Variants in FXR1 observed in about 807,000 individuals in gnomAD.
FXR1 encodes RNA-binding protein FXR1.
A neutral mutation model predicts 84.0 loss-of-function variants in FXR1; 15 were observed. That is an observed-to-expected ratio of 0.18 (90% CI 0.12 to 0.27). The LOEUF is 0.27. Among genes scored for constraint, FXR1 ranks in the 10% least tolerant of loss-of-function variants. The probability of loss-of-function intolerance (pLI) is 1.00; values close to 1 mark genes in which losing one functional copy is unlikely to be tolerated. For synonymous variants in FXR1, 245 were observed against 250.7 expected, an observed-to-expected ratio of 0.98 and a Z score of 0.21; for missense variants, 480 against 774.4, an observed-to-expected ratio of 0.62 and a Z score of 4.51.
intron 10 of FXR1, among the ~76,000 whole-genome samples, chr3:180,959,096 G>A (rs534230391): frequency 1.8e-4 from 27 of 151,890 alleles, no homozygotes; most frequent in Middle Eastern, 3.4e-3. Flanking sequence ...GTGAGCCACC[G>A]TGCCCGGCCT....
chr3:180,928,842 C>T (rs746696213), intron 1 of FXR1, among the ~76,000 whole-genome samples: 8 of 151,956 alleles, frequency 5.3e-5, no homozygotes, highest in South Asian at 2.1e-4. Flanking sequence ...ATTAGTTCTT[C>T]GGATAGTGCT....
chr3:180,958,097 A>G lies in FXR1; in HGVS notation c.990+169A>G, dbSNP rs559943175. Among the ~76,000 whole-genome samples, 10 of 152,252 alleles carry G rather than the reference A, an allele frequency of 6.6e-5. No homozygotes were observed. In the South Asian group the frequency reaches 1.2e-3, roughly 19 times the overall value. On this transcript the variant is annotated intron_variant, in intron 10 of 16. Transcript: ENST00000357559. ...CTTAGAAAACAAGTCATTTTCTACT[A>G]TGTGGGCCTTGTTCTTAGTTGTTTT...
intron 3 of FXR1, among the ~76,000 whole-genome samples, chr3:180,938,896 T>C (rs1027919798): frequency 2.6e-5 from 4 of 151,810 alleles, no homozygotes; most frequent in African/African-American, 7.3e-5. Flanking sequence ...TTTTTTTATT[T>C]TTTATTTTTT....
At chr3:180,964,420 A>C (rs1030009215) in intron 13 of FXR1, among the ~76,000 whole-genome samples, 1 of 152,118 alleles carries the variant, frequency 6.6e-6, no homozygotes, top group African/African-American at 2.4e-5. Context: ...TATTGATGAG[A>C]GCTTACTCTG....
intron 1 of FXR1, among the ~76,000 whole-genome samples, chr3:180,928,310 T>A (rs1719469255): frequency 6.6e-6 from 1 of 152,128 alleles, no homozygotes; most frequent in Non-Finnish European, 1.5e-5. Flanking sequence ...TATTGTAGTT[T>A]TAAAATAATC....
chr3:180,974,992 TG>T (rs1025033215), intron 15 of FXR1, among the ~76,000 whole-genome samples: 3 of 122,112 alleles, frequency 2.5e-5, no homozygotes, highest in African/African-American at 9.4e-5. Context: ...ACACTGCGTT[TG>T]TATTTCCTTT....
intron 7 of FXR1, 66 bp from the exon 8 acceptor site, chr3:180,951,227 AAAACC>A: frequency 7.3e-6 from 7 of 961,124 alleles, no homozygotes; most frequent in Non-Finnish European, 1.1e-5. Flanking sequence ...TGTCTGGAAA[AAAACC>A]AAACCATACA....
chr3:180,958,481 C>T (rs1711623345), intron 10 of FXR1, among the ~76,000 whole-genome samples: 1 of 152,178 alleles, frequency 6.6e-6, no homozygotes, highest in African/African-American at 2.4e-5. Flanking sequence ...CAAGTGAGAA[C>T]ATATGATATT....
chr3:180,960,206 C>T (rs1259007596), intron 10 of FXR1, among the ~76,000 whole-genome samples: 1 of 152,178 alleles, frequency 6.6e-6, no homozygotes, highest in Non-Finnish European at 1.5e-5. Flanking sequence ...TGGCCTAATA[C>T]TTTGATTTAC....
chr3:180,914,229 A>C (rs1717609674), intron 1 of FXR1, among the ~76,000 whole-genome samples: 1 of 152,154 alleles, frequency 6.6e-6, no homozygotes, highest in African/African-American at 2.4e-5. Flanking sequence ...TAGTTAATTG[A>C]CTTTTGTTGT....
At chr3:180,965,101 CT>C (rs1441846655) in intron 13 of FXR1, among the ~76,000 whole-genome samples, 1 of 152,048 alleles carries the variant, frequency 6.6e-6, no homozygotes, top group Non-Finnish European at 1.5e-5. Context: ...ACCGCAACCT[CT>C]CCCTCCTGGG....
At chr3:180,937,408 C>G (rs1422968289) in intron 3 of FXR1, among the ~76,000 whole-genome samples, 2 of 152,054 alleles carry the variant, frequency 1.3e-5, no homozygotes, top group African/African-American at 4.8e-5. Context: ...CAGGAGGGTC[C>G]TTCCCTGTTC....
chr3:180,958,585 A>G (rs572244803), intron 10 of FXR1, among the ~76,000 whole-genome samples: 2 of 152,266 alleles, frequency 1.3e-5, no homozygotes, highest in South Asian at 2.1e-4. Flanking sequence ...ATGGCTGAGT[A>G]ATATTCCATG....
chr3:180,981,855 C>CTGTT lies in FXR1; in HGVS notation c.*5565_*5568dup, dbSNP rs1478641187. The CTGTT allele has an allele frequency of 6.6e-6, 1 of 152,034 alleles. No individual in the cohort carries two copies. The highest frequency in any genetic ancestry group is 1.5e-5 in the Non-Finnish European group (1 of 67,944). The allele number at this position is 152,034 out of a possible 1,614,324, so 9.4% of individuals were successfully genotyped here. A position where few individuals can be genotyped will look rare whatever the true frequency, so the allele number is the denominator to read the frequency against. ...CTCGAGGCTCAGATTTACCTGGCTT[C>CTGTT]TGTTTACCTGGCTTCTGCAGAAGTT... On this transcript the variant is annotated 3_prime_UTR_variant, in exon 17 of 17. Coordinates refer to ENST00000357559, the MANE Select transcript of FXR1 (RefSeq NM_005087.4).
Position 180,979,084 on chromosome 3 carries a change from C to T in FXR1, c.*2792C>T, listed in dbSNP as rs1714478281. The T allele has an allele frequency of 6.6e-6, 1 of 152,106 alleles. No homozygotes were observed. The highest frequency in any genetic ancestry group is 2.4e-5 in the African/African-American group (1 of 41,436). 9.4% of individuals were successfully genotyped at this position (152,106 alleles called of 1,614,324 possible). On this transcript the variant is annotated 3_prime_UTR_variant, in exon 17 of 17. Transcript: ENST00000357559. ...ACTTACCTGAGATGATGCTGGGTTC[C>T]ATTGCTGTTGTGCTAAGTCACGTAT...
At chr3:180,938,080 T>C (rs1214071322) in intron 3 of FXR1, among the ~76,000 whole-genome samples, 2 of 152,218 alleles carry the variant, frequency 1.3e-5, no homozygotes, top group South Asian at 2.1e-4. Flanking sequence ...TCATTTTTTG[T>C]AACCACCTCA....
Position 180,977,089 on chromosome 3 carries a change from T to A in FXR1, c.*797T>A, listed in dbSNP as rs552277274. On this transcript the variant is annotated 3_prime_UTR_variant, in exon 17 of 17. Coordinates refer to ENST00000357559, the MANE Select transcript of FXR1 (RefSeq NM_005087.4). The stretch of plus-strand genomic sequence containing the variant: ...TTTTTTTTTTCCTTTTTTTTTTTTT[T>A]ATTTCGGTTGTTTGATGTGCAATAT... The A allele has an allele frequency of 2.0e-5, 3 of 150,592 alleles. No individual in the cohort carries two copies. Among genetic ancestry groups the A allele is most frequent in the African/African-American group, 7.4e-5 (3 of 40,384 alleles). The allele number at this position is 150,592 out of a possible 1,614,324, so 9.3% of individuals were successfully genotyped here.
In FXR1 at chr3:180,938,519, C is replaced by A. The variant is rs530895409; in HGVS notation, c.198+3288C>A. Among the ~76,000 whole-genome samples, 3 of 152,138 alleles carry A rather than the reference C, an allele frequency of 2.0e-5. No individual in the cohort carries two copies. In the South Asian group the frequency reaches 6.2e-4, roughly 32 times the overall value. On this transcript the variant is annotated intron_variant, in intron 3 of 16. Transcript: ENST00000357559. ...TGTGCAGTTTTTGGTGTAGGAAGTC[C>A]TTGCATTTTATGGCTGAGTTTTATT...
chr3:180,930,210 C>T (rs898221793), intron 1 of FXR1, among the ~76,000 whole-genome samples: 71 of 151,864 alleles, frequency 4.7e-4, no homozygotes, highest in African/African-American at 1.6e-3. Context: ...TTGCGGCCAG[C>T]TGAGATTGCA....
Sources: allele counts gnomAD v4.1 joint callset (sites outside exome capture counted in the v4.1 genomes callset), GRCh38; gene constraint gnomAD v4.1.1; transcripts MANE v1.5; gene names NCBI Gene and HGNC (gene_info 2026-07-23, HGNC 2026-07-21).